PPARGC1B: variants seen among roughly 807,000 people sequenced by gnomAD.
PPARGC1B encodes the protein PPARG coactivator 1 beta.
In PPARGC1B, 34 loss-of-function variants were observed where a neutral mutation model predicts 101.6. The observed-to-expected ratio is 0.33, with a 90% CI of 0.25 to 0.45. The LOEUF (loss-of-function observed/expected upper bound fraction) is 0.45. PPARGC1B is among the 20% of genes least tolerant of loss of function. The pLI, the probability that PPARGC1B is intolerant of heterozygous loss-of-function variation, is 1.00. For synonymous variants in PPARGC1B, 548 were observed against 539.3 expected, an observed-to-expected ratio of 1.02 and a Z score of -0.22; for missense variants, 1,234 against 1,317.6, an observed-to-expected ratio of 0.94 and a Z score of 0.98.
chr5:149,839,959 C>A, intron 8 of PPARGC1B, 82 bp from the exon 9 acceptor site: 1 of 1,381,214 alleles, frequency 7.2e-7, no homozygotes, highest in East Asian at 2.3e-5. Context: ...GGAAGCATCC[C>A]TTGCGTCCTG....
chr5:149,840,133 C>T lies in PPARGC1B; in HGVS notation c.2694+17C>T. On this transcript the variant is annotated intron_variant, in intron 9 of 11. Coordinates refer to ENST00000309241, the MANE Select transcript of PPARGC1B (RefSeq NM_133263.4). Reference sequence around the variant, plus strand: ...AAGGCCATTGTAAGTGATCTGGGGGCCCAGAGCCTGGAGTGAATGGGAACG... The same window carrying T: ...AAGGCCATTGTAAGTGATCTGGGGGTCCAGAGCCTGGAGTGAATGGGAACG... 2 of 1,605,188 alleles carry T rather than the reference C, an allele frequency of 1.2e-6. No homozygotes were observed. The highest frequency in any genetic ancestry group is 1.1e-5 in the South Asian group (1 of 89,456).
At chr5:149,733,397 T>A (rs892346961) in intron 1 of PPARGC1B, among the ~76,000 whole-genome samples, 1 of 152,198 alleles carries the variant, frequency 6.6e-6, no homozygotes, top group Non-Finnish European at 1.5e-5. Context: ...CACTCACCCG[T>A]CCTGCATGGC....
At position 149,813,937 on chromosome 5, in the gene PPARGC1B, G is replaced by A. The variant is rs570931174; in HGVS notation, c.79-6496G>A. ...ACTTGGGTCTGTTTTATAAGGGTAC[G>A]CATCCCATTCATGACCTCATCACCT... On this transcript the variant is annotated intron_variant, in intron 1 of 11. Transcript: ENST00000309241. Among the ~76,000 whole-genome samples the A allele has an allele frequency of 6.2e-4, 94 of 152,224 alleles. 1 individual carries two copies. Among genetic ancestry groups the A allele is most frequent in the Middle Eastern group, 3.4e-3 (1 of 294 alleles).
intron 1 of PPARGC1B, among the ~76,000 whole-genome samples, chr5:149,772,873 CAG>C (rs1353163085): frequency 6.6e-6 from 1 of 151,996 alleles, no homozygotes; most frequent in Non-Finnish European, 1.5e-5. Context: ...TTTGGTGTGA[CAG>C]TGTTTGTGAC....
At chr5:149,821,682 T>C (rs1758306511) in intron 2 of PPARGC1B, among the ~76,000 whole-genome samples, 1 of 152,176 alleles carries the variant, frequency 6.6e-6, no homozygotes, top group Admixed American at 6.5e-5. Context: ...TCCTCATGGA[T>C]TTTATCATCC....
At chr5:149,794,934 C>A (rs1757156685) in intron 1 of PPARGC1B, among the ~76,000 whole-genome samples, 1 of 152,216 alleles carries the variant, frequency 6.6e-6, no homozygotes. Flanking sequence ...GGCCATTGCC[C>A]CACTGATGTG....
Position 149,833,317 on chromosome 5 carries a change from A to T in PPARGC1B, c.1244A>T (p.Glu415Val). The change falls in exon 5 of 12, where the codon GAG becomes GTG. Residue 415 changes from glutamate (E) to valine (V), a missense_variant. By Grantham distance (121) the Glu-to-Val change is moderately radical. Transcript: ENST00000309241. The surrounding 1 kb of genome is among the most constrained non-coding windows in gnomAD (Gnocchi z 4.1). ...PRPSLRPLRL[E>V]VKREVRRPAR... ...CCAAGCCTGCGCCCACTGCGGCTGG[A>T]GGTGAAAAGGGAGGTCCGCCGGCCT... 1 of 1,613,316 alleles carries T rather than the reference A, an allele frequency of 6.2e-7. No homozygotes were observed. Among genetic ancestry groups the T allele is most frequent in the Non-Finnish European group, 8.5e-7 (1 of 1,180,022 alleles).
intron 1 of PPARGC1B, among the ~76,000 whole-genome samples, chr5:149,806,766 C>T (rs1333819112): frequency 6.6e-6 from 1 of 151,982 alleles, no homozygotes; most frequent in East Asian, 1.9e-4. Flanking sequence ...CACCACCATG[C>T]CCAGCTAATT....
At position 149,730,924 on chromosome 5, in the gene PPARGC1B, C is replaced by G. The variant is rs924027151; in HGVS notation, c.78+504C>G. Among the ~76,000 whole-genome samples the G allele has an allele frequency of 1.3e-5, 2 of 151,728 alleles. No individual in the cohort carries two copies. Among genetic ancestry groups the G allele is most frequent in the Admixed American group, 6.6e-5 (1 of 15,256 alleles). On this transcript the variant is annotated intron_variant, in intron 1 of 11. Coordinates refer to ENST00000309241, the MANE Select transcript of PPARGC1B (RefSeq NM_133263.4). The surrounding 1 kb of genome is among the most constrained non-coding windows in gnomAD (Gnocchi z 4.0). Reference sequence around the variant, plus strand: ...TGCTGGCCCCCCGCGGCTTTCTACCCGCGCCCGCAGCGCGGAGTTTCCTGC... The same window carrying G: ...TGCTGGCCCCCCGCGGCTTTCTACCGGCGCCCGCAGCGCGGAGTTTCCTGC...
Position 149,836,921 on chromosome 5 carries a change from A to C in PPARGC1B, c.2466A>C (p.Glu822Asp), listed in dbSNP as rs1196524343. 6.2e-7 allele frequency: 1 copy of C among 1,613,798 alleles called. No individual in the cohort carries two copies. The highest frequency in any genetic ancestry group is 2.2e-5 in the East Asian group (1 of 44,870). ...AGGAGGAGGAGGAGGACGATGAAGAAGAGGACTCAGGGGTCAGCCCCACTT... is the reference window on the plus strand; with the variant it reads ...AGGAGGAGGAGGAGGACGATGAAGACGAGGACTCAGGGGTCAGCCCCACTT... ...EGEEEEEDDE[E>D]EDSGVSPTCS... is the part of the protein sequence containing the mutation. The change falls in exon 8 of 12, where the codon GAA (glutamate) becomes GAC (aspartate). Residue 822 changes from glutamate (E) to aspartate (D), a missense_variant. Transcript: ENST00000309241.
At position 149,847,741 on chromosome 5, in the gene PPARGC1B, C is replaced by T. The variant is rs1349772676; in HGVS notation, c.*183C>T. On this transcript the variant is annotated 3_prime_UTR_variant, in exon 12 of 12. Coordinates refer to ENST00000309241, the MANE Select transcript of PPARGC1B (RefSeq NM_133263.4). ...AAATCAATGTTTACATTGAACAAAG[C>T]TGCTTCTGTCTGTGAGTTTCCATGG... 1 of 579,486 alleles carries T rather than the reference C, an allele frequency of 1.7e-6. No homozygotes were observed. Among genetic ancestry groups the T allele is most frequent in the African/African-American group, 1.9e-5 (1 of 53,510 alleles). The allele number at this position is 579,486 out of a possible 1,614,324, so 35.9% of individuals were successfully genotyped here.
intron 1 of PPARGC1B, among the ~76,000 whole-genome samples, chr5:149,780,927 G>A (rs1408229369): frequency 6.6e-6 from 1 of 152,228 alleles, no homozygotes; most frequent in East Asian, 1.9e-4. Flanking sequence ...TTTCCGGCAG[G>A]GCGCGGTGGC....
At chr5:149,847,360 A>G (rs756107287) in intron 11 of PPARGC1B, 98 bp from the exon 12 acceptor site, 16 of 903,456 alleles carry the variant, frequency 1.8e-5, no homozygotes, top group Middle Eastern at 4.3e-4. Flanking sequence ...CAGCCACTCC[A>G]CGGTGCCCAC....
chr5:149,754,387 T>C (rs532134358), intron 1 of PPARGC1B, among the ~76,000 whole-genome samples: 63 of 152,330 alleles, frequency 4.1e-4, no homozygotes, highest in African/African-American at 1.4e-3. Flanking sequence ...CCTGACTGCC[T>C]ACCCTCTGGG....
At chr5:149,755,234 AG>A (rs1240126711) in intron 1 of PPARGC1B, among the ~76,000 whole-genome samples, 1 of 151,170 alleles carries the variant, frequency 6.6e-6, no homozygotes, top group Non-Finnish European at 1.5e-5. Context: ...TTTTTAAAAA[AG>A]TTTTTTTTTA....
intron 1 of PPARGC1B, among the ~76,000 whole-genome samples, chr5:149,734,978 C>A (rs1362948258): frequency 1.3e-5 from 2 of 152,178 alleles, no homozygotes; most frequent in Admixed American, 1.3e-4. Context: ...GGGCCCCCTG[C>A]CACATGGAGA....
Position 149,845,748 on chromosome 5 carries a change from C to T in PPARGC1B, c.2817-12C>T, listed in dbSNP as rs561250734. ...AGCCCAATAACATACTCTCCTTGCT[C>T]CCTCCCCGCAGAGGCGAGAAGTACG... On this transcript the variant is annotated splice_polypyrimidine_tract_variant and intron_variant, in intron 10 of 11. Coordinates refer to ENST00000309241, the MANE Select transcript of PPARGC1B (RefSeq NM_133263.4). 1 of 1,596,944 alleles carries T rather than the reference C, an allele frequency of 6.3e-7. No individual in the cohort carries two copies. Among genetic ancestry groups the T allele is most frequent in the African/African-American group, 1.3e-5 (1 of 74,620 alleles).
rs1049077476 is a variant in PPARGC1B at position 149,755,046 on chromosome 5, C to T, written c.78+24626C>T. Among the ~76,000 whole-genome samples, 396 of 105,318 alleles carry T rather than the reference C, an allele frequency of 3.8e-3. 1 individual carries two copies. Among genetic ancestry groups the T allele is most frequent in the South Asian group, 0.015 (50 of 3,404 alleles). The allele number at this position is 105,318 out of a possible 152,430, so 69.1% of individuals were successfully genotyped here. A position where few individuals can be genotyped will look rare whatever the true frequency, so the allele number is the denominator to read the frequency against. On this transcript the variant is annotated intron_variant, in intron 1 of 11. Coordinates refer to ENST00000309241, the MANE Select transcript of PPARGC1B (RefSeq NM_133263.4). ...CACATATACACTACATATACATATA[C>T]ATATACATATATATATATATATATA...
intron 9 of PPARGC1B, among the ~76,000 whole-genome samples, chr5:149,841,856 T>C (rs1277567526): frequency 2.6e-5 from 4 of 152,092 alleles, no homozygotes; most frequent in Non-Finnish European, 5.9e-5. Flanking sequence ...TACCCTTCCT[T>C]CCAGCCCACT....
Sources: gnomAD v4.1 joint callset for allele counts (sites outside exome capture counted in the v4.1 genomes callset) on GRCh38, gnomAD v4.1.1 for gene constraint, Gnocchi (gnomAD v3.1) non-coding constraint, MANE v1.5 for transcripts, NCBI Gene and HGNC (gene_info 2026-07-23, HGNC 2026-07-21) for gene names.